CUL5: variants seen among roughly 807,000 people sequenced by gnomAD.
CUL5 encodes cullin-5.
In CUL5, 26 loss-of-function variants were observed where a neutral mutation model predicts 108.8. That is an observed-to-expected ratio of 0.24 (90% confidence interval 0.18 to 0.33). The LOEUF is 0.33. Ranked by LOEUF, CUL5 falls within the 10% of genes least tolerant of loss-of-function variation. The pLI is 1.00. For missense variants in CUL5, 524 were observed against 909.2 expected, an observed-to-expected ratio of 0.58 and a Z score of 5.45; for synonymous variants, 334 against 298.0, an observed-to-expected ratio of 1.12 and a Z score of -1.25.
intron 1 of CUL5, among the ~76,000 whole-genome samples, chr11:108,026,124 T>C (rs1272556642): frequency 1.3e-5 from 2 of 152,204 alleles, no homozygotes; most frequent in Admixed American, 6.5e-5. Context: ...TCAATCATTA[T>C]AGTTGTTCCC....
chr11:108,031,318 T>G lies in CUL5; in HGVS notation c.25-2484T>G, dbSNP rs188631898. 1.5e-4 allele frequency among the ~76,000 whole-genome samples: 22 copies of G among 150,726 alleles called. No individual in the cohort carries two copies. In the East Asian group the frequency reaches 4.1e-3, roughly 28 times the overall value. ...AGGTAGAGGCTATAGTGAGCCAAGA[T>G]TATGCCACTGCACTCCAGCCTGGGC... On this transcript the variant is annotated intron_variant, in intron 1 of 18. Coordinates refer to ENST00000393094, the MANE Select transcript of CUL5 (RefSeq NM_003478.6).
At position 108,053,977 on chromosome 11, in the gene CUL5, C is replaced by G. The variant is rs139080719; in HGVS notation, c.554-670C>G. On this transcript the variant is annotated intron_variant, in intron 5 of 18. Coordinates refer to ENST00000393094, the MANE Select transcript of CUL5 (RefSeq NM_003478.6). ...TTTCATACCTCAGCCTCCAGAATAGCTGAGATTACAGGTGTGTGCCATCAC... is the reference window on the plus strand; with the variant it reads ...TTTCATACCTCAGCCTCCAGAATAGGTGAGATTACAGGTGTGTGCCATCAC... Among the ~76,000 whole-genome samples, 28 of 152,242 alleles carry G rather than the reference C, an allele frequency of 1.8e-4. No homozygotes were observed. The East Asian group carries it at 2.3e-3, about 13-fold the overall frequency.
At chr11:108,040,382 C>T (rs1862864871) in intron 2 of CUL5, among the ~76,000 whole-genome samples, 1 of 152,130 alleles carries the variant, frequency 6.6e-6, no homozygotes, top group South Asian at 2.1e-4. Flanking sequence ...GAGGCGAAGG[C>T]AGGTGGATCA....
At chr11:108,021,350 A>G (rs915589300) in intron 1 of CUL5, among the ~76,000 whole-genome samples, 1 of 152,184 alleles carries the variant, frequency 6.6e-6, no homozygotes, top group Non-Finnish European at 1.5e-5. Flanking sequence ...CATTAATTCT[A>G]TGGATGCCAT....
chr11:108,034,704 T>C (rs1163255064), intron 2 of CUL5, among the ~76,000 whole-genome samples: 3 of 152,238 alleles, frequency 2.0e-5, no homozygotes, highest in African/African-American at 7.2e-5. Flanking sequence ...CCTCCTCCGC[T>C]GTCTCTTCCC....
In CUL5 at chr11:108,078,231, A is replaced by G; in HGVS notation, c.1169A>G (p.Lys390Arg). 1 of 1,571,042 alleles carries G rather than the reference A, an allele frequency of 6.4e-7. No individual in the cohort carries two copies. Among genetic ancestry groups the G allele is most frequent in the Non-Finnish European group, 8.7e-7 (1 of 1,153,150 alleles). The stretch of plus-strand genomic sequence containing the variant: ...ATATTTAAACTTGAATTACCTTTGA[A>G]GCAGAAGGGGTAAGTTTTTTAAAAC... ...ATIFKLELPL[K>R]QKGVGLKTQP... The change falls in exon 11 of 19, where the codon AAG becomes AGG. Residue 390 changes from lysine (K) to arginine (R), a missense_variant. Transcript: ENST00000393094.
intron 1 of CUL5, among the ~76,000 whole-genome samples, chr11:108,028,832 TA>T (rs1222761325): frequency 6.6e-6 from 1 of 151,832 alleles, no homozygotes; most frequent in Non-Finnish European, 1.5e-5. Context: ...TCAAAAAAAA[TA>T]AAAAATAAAA....
Position 108,061,687 on chromosome 11 carries a change from A to G in CUL5, c.780+6732A>G, listed in dbSNP as rs79248078. ...CCCTCCTGCATTCCTATATTTAAAAATAAATTTATGATGTTGCTCATTTTT... is the reference window on the plus strand; with the variant it reads ...CCCTCCTGCATTCCTATATTTAAAAGTAAATTTATGATGTTGCTCATTTTT... On this transcript the variant is annotated intron_variant, in intron 7 of 18. Transcript: ENST00000393094. Among the ~76,000 whole-genome samples the G allele has an allele frequency of 7.6e-3, 1,150 of 152,216 alleles. 13 individuals carry two copies. Among genetic ancestry groups the G allele is most frequent in the African/African-American group, 0.025 (1,027 of 41,522 alleles).
chr11:108,020,885 C>A (rs866827235), intron 1 of CUL5, among the ~76,000 whole-genome samples: 17 of 152,228 alleles, frequency 1.1e-4, no homozygotes, highest in African/African-American at 4.1e-4. Flanking sequence ...TCACTACTCA[C>A]TCACTGACTC....
At chr11:108,072,520 G>A in intron 9 of CUL5, 58 bp downstream of exon 9, 1 of 1,462,898 alleles carries the variant, frequency 6.8e-7, no homozygotes, top group Non-Finnish European at 9.4e-7. Context: ...TTTAAATGTA[G>A]GATTATTGAA....
At chr11:108,076,340 A>G (rs1863939431) in intron 10 of CUL5, among the ~76,000 whole-genome samples, 1 of 152,046 alleles carries the variant, frequency 6.6e-6, no homozygotes, top group African/African-American at 2.4e-5. Flanking sequence ...AGCCCAGTAT[A>G]ATTTTACTAC....
chr11:108,062,010 C>T (rs534838562), intron 7 of CUL5, among the ~76,000 whole-genome samples: 6 of 152,156 alleles, frequency 3.9e-5, no homozygotes, highest in Non-Finnish European at 7.3e-5. Flanking sequence ...GATCCAATCA[C>T]CTCCCACCAG....
At chr11:108,082,551 A>G (rs541720689) in intron 11 of CUL5, among the ~76,000 whole-genome samples, 32 of 152,106 alleles carry the variant, frequency 2.1e-4, no homozygotes, top group Non-Finnish European at 4.1e-4. Flanking sequence ...TGCTAGGATT[A>G]CGGGCAGGAG....
chr11:108,038,022 A>C (rs1415003397), intron 2 of CUL5, among the ~76,000 whole-genome samples: 1 of 152,122 alleles, frequency 6.6e-6, no homozygotes, highest in African/African-American at 2.4e-5. Flanking sequence ...AAAATATTCT[A>C]ATTTCCGAAA....
rs1016523851 is a variant in CUL5, at chr11:108,104,678, T to C, written c.*294T>C. On this transcript the variant is annotated 3_prime_UTR_variant, in exon 19 of 19. Coordinates refer to ENST00000393094, the MANE Select transcript of CUL5 (RefSeq NM_003478.6). ...TTTGATTTGTACCCACCAGGAGAAA[T>C]ACAGTTGGGAAGGGTGAGGGTGGGG... 3 of 206,710 alleles carry C rather than the reference T, an allele frequency of 1.5e-5. No homozygotes were observed. The highest frequency in any genetic ancestry group is 2.3e-5 in the African/African-American group (1 of 43,672). 12.8% of individuals were successfully genotyped at this position (206,710 alleles called of 1,614,324 possible).
chr11:108,095,771 T>C, intron 16 of CUL5, 80 bp downstream of exon 16: 1 of 1,225,642 alleles, frequency 8.2e-7, no homozygotes. Context: ...AATATATTAG[T>C]AAATTCATAA....
intron 7 of CUL5, among the ~76,000 whole-genome samples, chr11:108,057,049 G>C (rs1180236129): frequency 6.6e-6 from 1 of 152,124 alleles, no homozygotes; most frequent in Non-Finnish European, 1.5e-5. Context: ...AGTTTTATAA[G>C]GTGAAATTGT....
chr11:108,034,975 G>A (rs1049066752), intron 2 of CUL5, among the ~76,000 whole-genome samples: 2 of 152,102 alleles, frequency 1.3e-5, no homozygotes, highest in African/African-American at 4.8e-5. Flanking sequence ...CTAGTGGGTA[G>A]CCTAGAAAAC....
intron 7 of CUL5, among the ~76,000 whole-genome samples, chr11:108,066,066 C>T (rs893105170): frequency 6.6e-6 from 1 of 152,042 alleles, no homozygotes; most frequent in African/African-American, 2.4e-5. Flanking sequence ...ACTGGCTGGC[C>T]GTGGTGGCTC....
Sources: gnomAD v4.1 joint callset for allele counts (sites outside exome capture counted in the v4.1 genomes callset) on GRCh38, gnomAD v4.1.1 for gene constraint, MANE v1.5 for transcripts, NCBI Gene and HGNC (gene_info 2026-07-23, HGNC 2026-07-21) for gene names.